The following NRXN3 variants were observed in gnomAD, a reference collection of about 807,000 sequenced individuals.
NRXN3 encodes neurexin III.
Under a neutral mutation model 137.6 loss-of-function variants are expected in NRXN3, and 32 were observed. The observed-to-expected ratio is 0.23, with a 90% CI of 0.18 to 0.31. The LOEUF is 0.31. NRXN3 is among the 10% of genes least tolerant of loss of function. NRXN3 has a pLI of 1.00. For missense variants in NRXN3, 1,574 were observed against 2,062.5 expected, an observed-to-expected ratio of 0.76 and a Z score of 4.59; for synonymous variants, 798 against 784.5, an observed-to-expected ratio of 1.02 and a Z score of -0.29.
intron 16 of NRXN3, among the ~76,000 whole-genome samples, chr14:79,653,442 T>C (rs2153974949): frequency 6.6e-6 from 1 of 152,316 alleles, no homozygotes; most frequent in African/African-American, 2.4e-5. Flanking sequence ...AGATACATTT[T>C]CCAAACGAAA....
rs2099417951 is a variant in NRXN3, at chr14:79,866,020, C to CACTT, written c.*4058_*4061dup. ...TTTAATTCAAGAAACATTTATTGAA[C>CACTT]ACTTATGTACAAGCTAGTCTACTAT... On this transcript the variant is annotated 3_prime_UTR_variant, in exon 21 of 21. Transcript: ENST00000335750. 1 of 152,124 alleles carries CACTT rather than the reference C, an allele frequency of 6.6e-6. No homozygotes were observed. The highest frequency in any genetic ancestry group is 1.5e-5 in the Non-Finnish European group (1 of 68,020). The allele number at this position is 152,124 out of a possible 1,614,324, so 9.4% of individuals were successfully genotyped here. A position where few individuals can be genotyped will look rare whatever the true frequency, so the allele number is the denominator to read the frequency against.
chr14:79,439,220 A>G (rs2095892265), intron 15 of NRXN3, among the ~76,000 whole-genome samples: 1 of 152,268 alleles, frequency 6.6e-6, no homozygotes, highest in African/African-American at 2.4e-5. Flanking sequence ...AAATGGTTCA[A>G]TTGACATTGT....
At chr14:78,530,820 C>T (rs1305147659) in intron 4 of NRXN3, among the ~76,000 whole-genome samples, 2 of 152,212 alleles carry the variant, frequency 1.3e-5, no homozygotes, top group African/African-American at 4.8e-5. Context: ...GCCAGATTGA[C>T]TAATTCTCAG....
intron 15 of NRXN3, among the ~76,000 whole-genome samples, chr14:79,117,192 C>A (rs1842597001): frequency 6.6e-6 from 1 of 152,054 alleles, no homozygotes. Context: ...AAAAGGTTAC[C>A]CAAATTTCTG....
At chr14:78,626,383 A>C (rs910799835) in intron 4 of NRXN3, among the ~76,000 whole-genome samples, 6 of 152,234 alleles carry the variant, frequency 3.9e-5, no homozygotes, top group Non-Finnish European at 7.3e-5. Context: ...TGTAGAAAAC[A>C]ATCATCATGG....
At chr14:78,678,382 G>T (rs2098033576) in intron 6 of NRXN3, among the ~76,000 whole-genome samples, 1 of 151,218 alleles carries the variant, frequency 6.6e-6, no homozygotes, top group South Asian at 2.1e-4. Flanking sequence ...TGAACTCCCG[G>T]GCTCAAGCAA....
At chr14:79,808,056 G>A (rs958311259) in intron 20 of NRXN3, among the ~76,000 whole-genome samples, 1 of 151,746 alleles carries the variant, frequency 6.6e-6, no homozygotes, top group Non-Finnish European at 1.5e-5. Context: ...GGCCAAGAGG[G>A]TGAAACCCCG....
chr14:78,491,600 A>G (rs1365525356), intron 4 of NRXN3, among the ~76,000 whole-genome samples: 2 of 152,210 alleles, frequency 1.3e-5, no homozygotes, highest in African/African-American at 4.8e-5. Flanking sequence ...ATACGCAAAT[A>G]TACAGGCATG....
At chr14:78,778,758 C>CTCTTTCTTTCTTT in intron 8 of NRXN3, among the ~76,000 whole-genome samples, 1 of 97,124 alleles carries the variant, frequency 1.0e-5, no homozygotes. Context: ...TTCCTTCTTT[C>CTCTTTCTTTCTTT]TCTTTCTTTC....
intron 15 of NRXN3, among the ~76,000 whole-genome samples, chr14:79,324,986 A>G (rs1454577802): frequency 1.3e-5 from 2 of 152,172 alleles, no homozygotes; most frequent in Non-Finnish European, 2.9e-5. Context: ...GTCTAAACAC[A>G]TCAGTGCAGT....
At chr14:79,445,358 G>GA (rs965684678) in intron 15 of NRXN3, among the ~76,000 whole-genome samples, 1 of 150,942 alleles carries the variant, frequency 6.6e-6, no homozygotes, top group Non-Finnish European at 1.5e-5. Flanking sequence ...AAGAAAGAAA[G>GA]AAAAAAAGAA....
intron 10 of NRXN3, among the ~76,000 whole-genome samples, chr14:78,871,566 G>A (rs1266726670): frequency 6.6e-6 from 1 of 152,010 alleles, no homozygotes; most frequent in African/African-American, 2.4e-5. Flanking sequence ...AAAATTTGTG[G>A]CATTATTTAA....
At chr14:78,922,110 A>G (rs1308918311) in intron 10 of NRXN3, among the ~76,000 whole-genome samples, 1 of 152,214 alleles carries the variant, frequency 6.6e-6, no homozygotes, top group Admixed American at 6.5e-5. Flanking sequence ...ATATGACTAC[A>G]GCATGTAAGA....
At chr14:78,981,233 T>C (rs2099488638) in intron 14 of NRXN3, among the ~76,000 whole-genome samples, 1 of 152,216 alleles carries the variant, frequency 6.6e-6, no homozygotes, top group African/African-American at 2.4e-5. Context: ...ATTTGAAAGT[T>C]TTCCTTGTAA....
intron 4 of NRXN3, among the ~76,000 whole-genome samples, chr14:78,488,270 T>C (rs760374134): frequency 1.7e-4 from 26 of 152,342 alleles, no homozygotes; most frequent in Non-Finnish European, 2.6e-4. Context: ...AGTCACATTC[T>C]GAGGTCCTGA....
intron 19 of NRXN3, among the ~76,000 whole-genome samples, chr14:79,791,416 G>T (rs976967832): frequency 6.8e-6 from 1 of 146,756 alleles, no homozygotes; most frequent in Non-Finnish European, 1.5e-5. Context: ...GCTTAATTTG[G>T]CTCCTATAAT....
intron 4 of NRXN3, among the ~76,000 whole-genome samples, chr14:78,307,499 G>A (rs995376809): frequency 2.6e-5 from 4 of 152,104 alleles, no homozygotes; most frequent in South Asian, 2.1e-4. Context: ...TTTTCACTGT[G>A]TGTAAATAGA....
intron 15 of NRXN3, among the ~76,000 whole-genome samples, chr14:79,237,845 C>T (rs1023104222): frequency 3.3e-5 from 5 of 152,082 alleles, no homozygotes; most frequent in African/African-American, 1.2e-4. Flanking sequence ...TGATCTTGCA[C>T]AGGTCCATTA....
rs189132938 is a variant in NRXN3 at position 79,510,009 on chromosome 14, C to G, written c.3444+42607C>G. On this transcript the variant is annotated intron_variant, in intron 16 of 20. Transcript: ENST00000335750. The stretch of plus-strand genomic sequence containing the variant: ...CCTGTCACTGAGTATGCAGTGCTCA[C>G]AGATGTGGGGAATACCTATGTACAT... 2.3e-3 allele frequency among the ~76,000 whole-genome samples: 355 copies of G among 152,288 alleles called. 1 individual carries two copies. Among genetic ancestry groups the G allele is most frequent in the Admixed American group, 4.7e-3 (72 of 15,294 alleles).
Sources: allele counts gnomAD v4.1 joint callset (sites outside exome capture counted in the v4.1 genomes callset), GRCh38; gene constraint gnomAD v4.1.1; transcripts MANE v1.5; gene names NCBI Gene and HGNC (gene_info 2026-07-23, HGNC 2026-07-21).